ETV4: variants seen among roughly 807,000 people sequenced by gnomAD.
ETV4 encodes the protein ETS translocation variant 4.
In ETV4, 42 loss-of-function variants were observed where a neutral mutation model predicts 65.9. The ratio of observed to expected loss-of-function variants is 0.64; its 90% confidence interval spans 0.50 to 0.82. ETV4 has a LOEUF of 0.82. ETV4 is among the 40% of genes least tolerant of loss of function. The probability of loss-of-function intolerance (pLI) is 0.00; values close to 1 mark genes in which losing one functional copy is unlikely to be tolerated. For missense variants in ETV4, 583 were observed against 630.3 expected, an observed-to-expected ratio of 0.92 and a Z score of 0.80; for synonymous variants, 238 against 260.0, an observed-to-expected ratio of 0.92 and a Z score of 0.81.
In ETV4 at chr17:43,533,921, G is replaced by A. The variant is rs752824723; in HGVS notation, c.321C>T (p.Ala107=). 2.3e-5 allele frequency: 36 copies of A among 1,586,114 alleles called. No individual in the cohort carries two copies. Among genetic ancestry groups the A allele is most frequent in the Non-Finnish European group, 3.1e-5 (36 of 1,171,116 alleles). ...KEPQSPRTDP[A]LSCSRKPPLP... ...GTGGCGGCTTCCTGCTGCAGGACAG[G>A]GCCGGGTCTGTGCGGGGACTCTGGG... The change falls in exon 6 of 13, where the codon GCC becomes GCT. Residue 107 remains alanine (A), a synonymous_variant. Coordinates refer to ENST00000319349, the MANE Select transcript of ETV4 (RefSeq NM_001079675.5).
In ETV4 at chr17:43,533,990, G is replaced by C. The variant is rs766977727; in HGVS notation, c.257-5C>G. 16 of 1,524,104 alleles carry C rather than the reference G, an allele frequency of 1.0e-5. No individual in the cohort carries two copies. Among genetic ancestry groups the C allele is most frequent in the East Asian group, 2.6e-5 (1 of 38,914 alleles). The allele number at this position is 1,524,104 out of a possible 1,614,324, so 94.4% of individuals were successfully genotyped here. On this transcript the variant is annotated splice_polypyrimidine_tract_variant and splice_region_variant and intron_variant, in intron 5 of 12. Coordinates refer to ENST00000319349, the MANE Select transcript of ETV4 (RefSeq NM_001079675.5). ...TGGTGGGGCTGTGGAAAGCTACTGT[G>C]GGGGTGGAGGGGACAGAGCAAGGCC... is the stretch of plus-strand genomic sequence containing the variant.
Position 43,529,972 on chromosome 17 carries a change from G to T in ETV4, c.887-20C>A, listed in dbSNP as rs1970813751. 2 of 1,613,978 alleles carry T rather than the reference G, an allele frequency of 1.2e-6. No homozygotes were observed. The highest frequency in any genetic ancestry group is 1.1e-5 in the South Asian group (1 of 91,084). Reference sequence around the variant, plus strand: ...CATAGCCTTGTGGAGGAAATTGGGGGTTGCTCAGATCTGGGGGTTCACCGA... The same window carrying T: ...CATAGCCTTGTGGAGGAAATTGGGGTTTGCTCAGATCTGGGGGTTCACCGA... On this transcript the variant is annotated intron_variant, in intron 9 of 12. Coordinates refer to ENST00000319349, the MANE Select transcript of ETV4 (RefSeq NM_001079675.5).
Position 43,545,843 on chromosome 17 carries a change from G to A in ETV4, c.-51-175C>T, listed in dbSNP as rs934463395. The A allele has an allele frequency of 6.7e-6, 4 of 599,872 alleles. No homozygotes were observed. The African/African-American group carries it at 7.5e-5, about 11-fold the overall frequency. 37.2% of individuals were successfully genotyped at this position (599,872 alleles called of 1,614,324 possible). Reference sequence around the variant, plus strand: ...CCACCACCACTCCCCTCCCGCCAAAGGCCAAAGGAGGTCCCACCTGCTCCC... The same window carrying A: ...CCACCACCACTCCCCTCCCGCCAAAAGCCAAAGGAGGTCCCACCTGCTCCC... On this transcript the variant is annotated intron_variant, in intron 1 of 12. Transcript: ENST00000319349.
At chr17:43,530,465 C>T in intron 8 of ETV4, 1 of 1,333,338 alleles carries the variant, frequency 7.5e-7, no homozygotes, top group Non-Finnish European at 9.6e-7. Context: ...TGCCAGGGAG[C>T]AGCTGTTTCC....
At chr17:43,535,066 G>A (rs1318221508) in intron 5 of ETV4, among the ~76,000 whole-genome samples, 1 of 152,194 alleles carries the variant, frequency 6.6e-6, no homozygotes, top group Admixed American at 6.5e-5. Context: ...GGCCTTTCCT[G>A]TGGCCCCTGC....
Position 43,545,002 on chromosome 17 carries a change from G to GAC in ETV4, c.173_174dup (p.His59ValfsTer29). ...TCAGCGAGCCACGTCTCCTGGAAGT[G>GAC]ACTTAGATCCTGGAAGAGATCTGAG... On this transcript the variant is annotated frameshift_variant, in exon 4 of 13. Coordinates refer to ENST00000319349, the MANE Select transcript of ETV4 (RefSeq NM_001079675.5). LOFTEE classifies it high-confidence loss of function. 6.2e-7 allele frequency: 1 copy of GAC among 1,614,012 alleles called. No individual in the cohort carries two copies. Among genetic ancestry groups the GAC allele is most frequent in the Non-Finnish European group, 8.5e-7 (1 of 1,179,952 alleles).
Position 43,537,923 on chromosome 17 carries a change from TC to T in ETV4, c.203-1445del, listed in dbSNP as rs559758293. On this transcript the variant is annotated intron_variant, in intron 4 of 12. Transcript: ENST00000319349. ...GCGGGCAGATCACCAGGTCAGGAGATCAGGACCATCCTGGCTAACACAGTGA... is the reference window on the plus strand; with the variant it reads ...GCGGGCAGATCACCAGGTCAGGAGATAGGACCATCCTGGCTAACACAGTGA... Among the ~76,000 whole-genome samples, 3 of 151,894 alleles carry T rather than the reference TC, an allele frequency of 2.0e-5. 1 individual carries two copies. In the South Asian group the frequency reaches 6.2e-4, roughly 32 times the overall value.
chr17:43,531,014 T>C (rs1386197432), intron 8 of ETV4, among the ~76,000 whole-genome samples: 1 of 152,256 alleles, frequency 6.6e-6, no homozygotes, highest in East Asian at 1.9e-4. Context: ...TCTACAGCCT[T>C]TGAAGGTCAG....
Position 43,528,752 on chromosome 17 carries a change from A to G in ETV4, c.1231-9T>C. ...TAACGCTCACCAGCCACCTATGGGGAGAGAGAAGGTCTGGTCAGCCTGGCT... is the reference window on the plus strand; with the variant it reads ...TAACGCTCACCAGCCACCTATGGGGGGAGAGAAGGTCTGGTCAGCCTGGCT... On this transcript the variant is annotated splice_polypyrimidine_tract_variant and intron_variant, in intron 12 of 12. Transcript: ENST00000319349. 1.9e-6 allele frequency: 3 copies of G among 1,612,132 alleles called. No homozygotes were observed. The highest frequency in any genetic ancestry group is 2.5e-6 in the Non-Finnish European group (3 of 1,178,502).
chr17:43,535,360 C>A (rs1032556249), intron 5 of ETV4, among the ~76,000 whole-genome samples: 2 of 152,174 alleles, frequency 1.3e-5, no homozygotes, highest in Non-Finnish European at 2.9e-5. Context: ...TCACTGCAAC[C>A]TCCGCCTCCC....
chr17:43,529,763 G>C, intron 10 of ETV4, 87 bp from the exon 11 acceptor site: 1 of 1,591,230 alleles, frequency 6.3e-7, no homozygotes, highest in Non-Finnish European at 8.6e-7. Flanking sequence ...TTCTCGAAGG[G>C]GTCTCCCCAG....
At chr17:43,541,789 A>G (rs1971537467) in intron 4 of ETV4, among the ~76,000 whole-genome samples, 1 of 152,146 alleles carries the variant, frequency 6.6e-6, no homozygotes, top group Admixed American at 6.6e-5. Flanking sequence ...GGAAGGAACC[A>G]GTTCACTAGT....
intron 3 of ETV4, 38 bp downstream of exon 3, chr17:43,545,236 G>T (rs1473972578): frequency 1.4e-5 from 10 of 709,808 alleles, no homozygotes; most frequent in Admixed American, 2.8e-5. Context: ...TGTGTGTGTG[G>T]CGGAGGAGGG....
intron 8 of ETV4, among the ~76,000 whole-genome samples, chr17:43,532,138 AC>A (rs1398183601): frequency 3.4e-4 from 52 of 152,244 alleles, no homozygotes; most frequent in African/African-American, 1.1e-3. Flanking sequence ...TGCTGGGATT[AC>A]AGATGACTCA....
chr17:43,534,060 G>T, intron 5 of ETV4, 75 bp from the exon 6 acceptor site: 1 of 1,388,522 alleles, frequency 7.2e-7, no homozygotes. Flanking sequence ...GATACCTTCT[G>T]AGCTTTGAGG....
chr17:43,530,950 A>T (rs1219936826), intron 8 of ETV4, among the ~76,000 whole-genome samples: 1 of 152,066 alleles, frequency 6.6e-6, no homozygotes, highest in Non-Finnish European at 1.5e-5. Context: ...TCCATTCAGG[A>T]GTAGCTGGGG....
Position 43,529,163 on chromosome 17 carries a change from T to A in ETV4, c.1202A>T (p.Tyr401Phe). 1 of 1,614,020 alleles carries A rather than the reference T, an allele frequency of 6.2e-7. No homozygotes were observed. Among genetic ancestry groups the A allele is most frequent in the Non-Finnish European group, 8.5e-7 (1 of 1,180,016 alleles). Residue 401 changes from tyrosine to phenylalanine, a missense_variant, in exon 12 of 13, where the codon TAC becomes TTC. Coordinates refer to ENST00000319349, the MANE Select transcript of ETV4 (RefSeq NM_001079675.5). ...CTGCATGATGCCTTTCTCATAATAG[T>A]ATCGGAGCGAGCGGCTCAGCTTGTC... ...NYDKLSRSLR[Y>F]YYEKGIMQKV...
intron 4 of ETV4, among the ~76,000 whole-genome samples, chr17:43,540,853 G>T (rs1262325600): frequency 6.6e-6 from 1 of 152,130 alleles, no homozygotes; most frequent in African/African-American, 2.4e-5. Context: ...TACTAGGCAA[G>T]AAGGGTCCCA....
intron 5 of ETV4, chr17:43,536,174 AG>A (rs1373285318): frequency 7.7e-6 from 4 of 518,846 alleles, no homozygotes; most frequent in Non-Finnish European, 1.4e-5. Flanking sequence ...GAACTGGCCC[AG>A]GCCCCTCACT....
Sources: gnomAD v4.1 joint callset for allele counts (sites outside exome capture counted in the v4.1 genomes callset) on GRCh38, gnomAD v4.1.1 for gene constraint, MANE v1.5 for transcripts, NCBI Gene and HGNC (gene_info 2026-07-23, HGNC 2026-07-21) for gene names.